Variants in PLAC8L1 observed in about 807,000 individuals in gnomAD.
PLAC8L1 encodes the protein PLAC8-like protein 1.
PLAC8L1 carries 13 observed loss-of-function variants against 16.3 expected under a neutral mutation model. The ratio of observed to expected loss-of-function variants is 0.80; its 90% CI spans 0.52 to 1.27. The LOEUF is 1.27. PLAC8L1 is among the 50% of genes most tolerant of loss of function. The probability of loss-of-function intolerance (pLI) is 0.00; values close to 1 mark genes in which losing one functional copy is unlikely to be tolerated. For missense variants in PLAC8L1, 184 were observed against 220.2 expected (o/e 0.84, Z 1.04); for synonymous variants, 78 against 79.3 (o/e 0.98, Z 0.09).
intron 1 of PLAC8L1, 139 bp from the exon 2 acceptor site, chr5:146,098,431 C>A: frequency 1.5e-6 from 1 of 653,154 alleles, no homozygotes; most frequent in Non-Finnish European, 2.4e-6. Context: ...ACTTTGCCAT[C>A]TCCCTCCCTC....
At chr5:146,089,554 T>C (rs933100693) in intron 2 of PLAC8L1, among the ~76,000 whole-genome samples, 3 of 152,092 alleles carry the variant, frequency 2.0e-5, no homozygotes, top group African/African-American at 7.2e-5. Flanking sequence ...AGAGGAGAGA[T>C]TGAACTCAGG....
chr5:146,092,535 A>ATTTTTTTTT (rs35101919), intron 2 of PLAC8L1, among the ~76,000 whole-genome samples: 3 of 100,384 alleles, frequency 3.0e-5, no homozygotes, highest in Non-Finnish European at 5.8e-5. Flanking sequence ...ATCTTTGCAG[A>ATTTTTTTTT]TTTTTTTTTT....
At chr5:146,090,991 T>C (rs1763610507) in intron 2 of PLAC8L1, among the ~76,000 whole-genome samples, 1 of 152,024 alleles carries the variant, frequency 6.6e-6, no homozygotes, top group South Asian at 2.1e-4. Context: ...GAGGCCCAGG[T>C]TGCAGTGAGT....
chr5:146,088,803 T>G (rs898703578), intron 2 of PLAC8L1, among the ~76,000 whole-genome samples: 1 of 152,182 alleles, frequency 6.6e-6, no homozygotes, highest in Non-Finnish European at 1.5e-5. Context: ...ATACCTGGTA[T>G]GAACAGCTTA....
intron 1 of PLAC8L1, among the ~76,000 whole-genome samples, chr5:146,101,898 T>C (rs539252806): frequency 1.3e-5 from 2 of 152,378 alleles, no homozygotes; most frequent in South Asian, 4.1e-4. Flanking sequence ...AAGAATAGAA[T>C]GTCTGCTTCT....
intron 2 of PLAC8L1, among the ~76,000 whole-genome samples, chr5:146,090,494 C>G (rs1232246760): frequency 6.6e-6 from 1 of 151,912 alleles, no homozygotes; most frequent in Admixed American, 6.6e-5. Context: ...GAGATCGGGC[C>G]ACTGCACTCC....
At chr5:146,084,801 T>C (rs1763480588) in intron 3 of PLAC8L1, among the ~76,000 whole-genome samples, 1 of 152,264 alleles carries the variant, frequency 6.6e-6, no homozygotes, top group South Asian at 2.1e-4. Context: ...TATGGGCCTT[T>C]ATAATTGAAC....
chr5:146,084,486 G>A lies in PLAC8L1; in HGVS notation c.480C>T (p.Thr160=). Residue 160 remains threonine (T), a synonymous_variant, in exon 4 of 4, where the codon ACC becomes ACT. Transcript: ENST00000311450. ...CQVARELKMR[T]SQVYEICAVP... ...CTGCACAGATTTCATAGACTTGGGA[G>A]GTCCTCATCTTGAGTTCCCGGGCCA... The A allele has an allele frequency of 2.5e-6, 4 of 1,614,216 alleles. No individual in the cohort carries two copies. The highest frequency in any genetic ancestry group is 3.4e-6 in the Non-Finnish European group (4 of 1,180,038).
chr5:146,095,783 C>T (rs1270135658), intron 2 of PLAC8L1, among the ~76,000 whole-genome samples: 2 of 152,154 alleles, frequency 1.3e-5, no homozygotes, highest in Non-Finnish European at 2.9e-5. Context: ...GCAAATTGAG[C>T]TGCTTCCACT....
Position 146,098,222 on chromosome 5 carries a change from CTG to C in PLAC8L1, c.188_189del (p.Thr63SerfsTer20). On this transcript the variant is annotated frameshift_variant, in exon 2 of 4. Transcript: ENST00000311450. LOFTEE classifies it high-confidence loss of function. ...VRGASGRTTITAIVQTGGGWS... is the reference protein window; with the variant it reads ...VRGASGRTTIXAIVQTGGGWS... Reference sequence around the variant, plus strand: ...CAGCCCCCGCCAGTCTGGACAATTGCTGTGATTGTCGTCCTGCCACTGGCTCC... The same window carrying C: ...CAGCCCCCGCCAGTCTGGACAATTGCTGATTGTCGTCCTGCCACTGGCTCC... 6.2e-7 allele frequency: 1 copy of C among 1,614,136 alleles called. No homozygotes were observed. The highest frequency in any genetic ancestry group is 1.3e-5 in the African/African-American group (1 of 75,042).
intron 2 of PLAC8L1, among the ~76,000 whole-genome samples, chr5:146,096,427 T>C (rs1405264596): frequency 6.6e-6 from 1 of 152,230 alleles, no homozygotes; most frequent in Non-Finnish European, 1.5e-5. Context: ...GATCCAGTTA[T>C]GCCCAAACCA....
chr5:146,094,295 T>C (rs34160255), intron 2 of PLAC8L1, among the ~76,000 whole-genome samples: 33,890 of 152,044 alleles, frequency 0.22, 4,839 homozygotes, highest in Admixed American at 0.34. Flanking sequence ...TTGGCTATGG[T>C]TGGTCTCAAA....
chr5:146,084,563 A>G lies in PLAC8L1; in HGVS notation c.403T>C (p.Cys135Arg). The change falls in exon 4 of 4, where the codon TGT becomes CGT. Residue 135 changes from cysteine to arginine, a missense_variant. By Grantham distance (180) the Cys-to-Arg change is radical. Coordinates refer to ENST00000311450, the MANE Select transcript of PLAC8L1 (RefSeq NM_001029869.3). The stretch of plus-strand genomic sequence containing the variant: ...CAGTGCACCGCCAGCCAGTCTTCAC[A>G]CAGTGTGCCCTAGGGCAAGACCAGA... ...RERHKIQGTL[C>R]EDWLAVHCCW... The G allele has an allele frequency of 6.2e-7, 1 of 1,613,718 alleles. No homozygotes were observed. The highest frequency in any genetic ancestry group is 8.5e-7 in the Non-Finnish European group (1 of 1,180,024).
chr5:146,096,115 G>A (rs778136943), intron 2 of PLAC8L1, among the ~76,000 whole-genome samples: 2 of 152,078 alleles, frequency 1.3e-5, no homozygotes, highest in Non-Finnish European at 2.9e-5. Flanking sequence ...TGGGGGGTCC[G>A]AGGGAAAAAT....
At position 146,098,197 on chromosome 5, in the gene PLAC8L1, C is replaced by T. The variant is rs6892393; in HGVS notation, c.215G>A (p.Trp72Ter). ...GCAGACACTGAAGAGACCGGTGCTC[C>T]AGCCCCCGCCAGTCTGGACAATTGC... ...ITAIVQTGGG[W>*]STGLFSVCRD... The change falls in exon 2 of 4, where the codon TGG becomes TAG. Residue 72 changes from tryptophan to a stop codon, truncating the protein, a stop_gained. Coordinates refer to ENST00000311450, the MANE Select transcript of PLAC8L1 (RefSeq NM_001029869.3). LOFTEE classifies it high-confidence loss of function. 3.7e-6 allele frequency: 6 copies of T among 1,613,848 alleles called. No homozygotes were observed. The African/African-American group carries it at 8.0e-5, about 22-fold the overall frequency.
In PLAC8L1 at chr5:146,105,221, T is replaced by C. The variant is rs1469609690; in HGVS notation, c.-910A>G. On this transcript the variant is annotated 5_prime_UTR_variant, in exon 1 of 4. The change creates a new upstream start codon in the 5' untranslated region. Transcript: ENST00000311450. Reference sequence around the variant, plus strand: ...GGAGGATACTGCCAATTATATCATATATTCTTTTCATCAGACCCATAGAGA... The same window carrying C: ...GGAGGATACTGCCAATTATATCATACATTCTTTTCATCAGACCCATAGAGA... Among the ~76,000 whole-genome samples, 4 of 152,314 alleles carry C rather than the reference T, an allele frequency of 2.6e-5. No homozygotes were observed. The highest frequency in any genetic ancestry group is 7.2e-5 in the African/African-American group (3 of 41,568).
Position 146,104,753 on chromosome 5 carries a change from C to A in PLAC8L1, c.-442G>T, listed in dbSNP as rs143495927. The A allele has an allele frequency of 6.1e-3, 984 of 161,644 alleles. 13 individuals carry two copies. The highest frequency in any genetic ancestry group is 0.022 in the African/African-American group (925 of 41,616). 10.0% of individuals were successfully genotyped at this position (161,644 alleles called of 1,614,324 possible). A position where few individuals can be genotyped will look rare whatever the true frequency, so the allele number is the denominator to read the frequency against. On this transcript the variant is annotated 5_prime_UTR_variant, in exon 1 of 4. Transcript: ENST00000311450. ...GCTGGTCCAATTCAGCCAGATGATG[C>A]AAGTCCCATAGCCAACCCAAAAGCA...
At position 146,096,483 on chromosome 5, in the gene PLAC8L1, T is replaced by A. The variant is rs550473151; in HGVS notation, c.256+1673A>T. Among the ~76,000 whole-genome samples the A allele has an allele frequency of 5.4e-4, 82 of 152,288 alleles. No homozygotes were observed. The South Asian group carries it at 0.017, about 31-fold the overall frequency. On this transcript the variant is annotated intron_variant, in intron 2 of 3. Transcript: ENST00000311450. ...ACATCTTCTGTTTTCATCTTTACAG[T>A]AAACCTTGAGGTAGGCACCTTTATT...
chr5:146,085,433 G>T, intron 3 of PLAC8L1, 28 bp downstream of exon 3: 1 of 1,601,310 alleles, frequency 6.2e-7, no homozygotes, highest in Non-Finnish European at 8.5e-7. Context: ...ACAGATTCGG[G>T]TTCACGTATA....
Sources: allele counts gnomAD v4.1 joint callset (sites outside exome capture counted in the v4.1 genomes callset), GRCh38; gene constraint gnomAD v4.1.1; transcripts MANE v1.5; gene names NCBI Gene and HGNC (gene_info 2026-07-23, HGNC 2026-07-21).